The following C8orf34 variants were observed in gnomAD, a reference collection of about 807,000 sequenced individuals.
The protein encoded by C8orf34 is chromosome 8 open reading frame 34, also known as uncharacterized protein C8orf34.
C8orf34 carries 65 observed loss-of-function variants against 68.3 expected under a neutral mutation model. The observed-to-expected ratio is 0.95, with a 90% CI of 0.78 to 1.17. The LOEUF is 1.17. Among genes scored for constraint, C8orf34 ranks in the 50% most tolerant of loss-of-function variants. The probability of loss-of-function intolerance (pLI) is 0.00; values close to 1 mark genes in which losing one functional copy is unlikely to be tolerated. For synonymous variants in C8orf34, 244 were observed against 241.2 expected, an observed-to-expected ratio of 1.01 and a Z score of -0.11; for missense variants, 664 against 655.4, an observed-to-expected ratio of 1.01 and a Z score of -0.14.
chr8:68,381,686 T>C (rs536892961), intron 1 of C8orf34, among the ~76,000 whole-genome samples: 47 of 127,408 alleles, frequency 3.7e-4, no homozygotes, highest in African/African-American at 1.4e-3. Flanking sequence ...GAGCCGAGAT[T>C]GCGCCACTGC....
chr8:68,798,287 G>C (rs1456827048), intron 12 of C8orf34, among the ~76,000 whole-genome samples: 1 of 108,136 alleles, frequency 9.2e-6, no homozygotes, highest in Non-Finnish European at 1.8e-5. Context: ...ATTATGTCTG[G>C]CTTTTTTTTT....
chr8:68,745,886 T>A (rs1408346174), intron 10 of C8orf34, among the ~76,000 whole-genome samples: 1 of 152,170 alleles, frequency 6.6e-6, no homozygotes, highest in Non-Finnish European at 1.5e-5. Flanking sequence ...CAAGTGGACC[T>A]AATAGGCATC....
At chr8:68,805,670 T>C (rs897297178) in intron 12 of C8orf34, among the ~76,000 whole-genome samples, 5 of 152,206 alleles carry the variant, frequency 3.3e-5, no homozygotes, top group African/African-American at 1.2e-4. Flanking sequence ...TTGGTTTGTA[T>C]GGTATATGAT....
chr8:68,419,961 T>G (rs1396566127), intron 1 of C8orf34, among the ~76,000 whole-genome samples: 1 of 133,278 alleles, frequency 7.5e-6, no homozygotes, highest in Non-Finnish European at 1.6e-5. Context: ...ACATGTACCC[T>G]AAAACTTAAA....
chr8:68,405,336 C>T (rs1809148209), intron 1 of C8orf34, among the ~76,000 whole-genome samples: 1 of 152,146 alleles, frequency 6.6e-6, no homozygotes, highest in Non-Finnish European at 1.5e-5. Context: ...GGTTTATTCT[C>T]AGATCACTGG....
chr8:68,798,771 T>C (rs1824250058), intron 12 of C8orf34, among the ~76,000 whole-genome samples: 1 of 152,084 alleles, frequency 6.6e-6, no homozygotes, highest in Non-Finnish European at 1.5e-5. Context: ...TTTTGAAATG[T>C]TCCCCATGTT....
At chr8:68,433,361 T>C (rs1810526966) in intron 1 of C8orf34, among the ~76,000 whole-genome samples, 1 of 152,202 alleles carries the variant, frequency 6.6e-6, no homozygotes, top group Non-Finnish European at 1.5e-5. Flanking sequence ...CATATCTGAT[T>C]GGTACCACCT....
rs1815338147 is a variant in C8orf34, at chr8:68,533,519, T to TTCAGCCC, written c.1105+374_1105+380dup. 8 of 989,346 alleles carry TTCAGCCC rather than the reference T, an allele frequency of 8.1e-6. No individual in the cohort carries two copies. In the South Asian group the frequency reaches 3.3e-4, roughly 41 times the overall value. 61.3% of individuals were successfully genotyped at this position (989,346 alleles called of 1,614,324 possible). A position where few individuals can be genotyped will look rare whatever the true frequency, so the allele number is the denominator to read the frequency against. On this transcript the variant is annotated intron_variant, in intron 7 of 13. Transcript: ENST00000518698. ...TATAAAATATACCCAAAGTACATAT[T>TTCAGCCC]TCAGCCCTCACTCCAAAATGTCTAC...
intron 1 of C8orf34, among the ~76,000 whole-genome samples, chr8:68,378,453 C>T (rs925887159): frequency 3.3e-5 from 5 of 152,216 alleles, no homozygotes; most frequent in South Asian, 4.2e-4. Flanking sequence ...CATGCTACCA[C>T]GTCCAGCTAA....
chr8:68,719,822 A>T (rs78811977), intron 9 of C8orf34, among the ~76,000 whole-genome samples: 1,647 of 152,086 alleles, frequency 0.011, 16 homozygotes, highest in Non-Finnish European at 0.015. Context: ...TTATTTATTT[A>T]TTAAGTCAAT....
intron 7 of C8orf34, chr8:68,534,317 G>A (rs893807627): frequency 3.0e-6 from 3 of 985,222 alleles, no homozygotes; most frequent in Non-Finnish European, 3.6e-6. Context: ...CATTAACATG[G>A]CAGACGTGCC....
rs539993469 is a variant in C8orf34, at chr8:68,352,930, T to C, written c.327+21591T>C. On this transcript the variant is annotated intron_variant, in intron 1 of 13. Coordinates refer to ENST00000518698, the MANE Select transcript of C8orf34 (RefSeq NM_052958.4). ...ATCAGATAAATATCCATATACTCAA[T>C]GCCTATATTGACATGGAATGGTGTC... Among the ~76,000 whole-genome samples the C allele has an allele frequency of 2.0e-5, 3 of 152,216 alleles. No individual in the cohort carries two copies. In the East Asian group the frequency reaches 5.8e-4, roughly 29 times the overall value.
At chr8:68,751,343 T>A (rs536361303) in intron 10 of C8orf34, among the ~76,000 whole-genome samples, 2 of 152,182 alleles carry the variant, frequency 1.3e-5, no homozygotes, top group Non-Finnish European at 2.9e-5. Flanking sequence ...TAGAACCTTG[T>A]CTTAATATTG....
chr8:68,341,217 C>T (rs1227835286), intron 1 of C8orf34, among the ~76,000 whole-genome samples: 1 of 152,116 alleles, frequency 6.6e-6, no homozygotes, highest in Admixed American at 6.6e-5. Flanking sequence ...ATGGAAAGGG[C>T]AAAGGAGCTC....
At chr8:68,753,539 T>C (rs1225857910) in intron 10 of C8orf34, among the ~76,000 whole-genome samples, 1 of 152,146 alleles carries the variant, frequency 6.6e-6, no homozygotes, top group Non-Finnish European at 1.5e-5. Context: ...CAAGGGAGGA[T>C]TGAACTTGAT....
rs374615320 is a variant in C8orf34, at chr8:68,376,163, T to C, written c.327+44824T>C. 1.2e-4 allele frequency among the ~76,000 whole-genome samples: 14 copies of C among 115,644 alleles called. No individual in the cohort carries two copies. The East Asian group carries it at 3.2e-3, about 27-fold the overall frequency. 75.9% of individuals were successfully genotyped at this position (115,644 alleles called of 152,430 possible). A position where few individuals can be genotyped will look rare whatever the true frequency, so the allele number is the denominator to read the frequency against. The stretch of plus-strand genomic sequence containing the variant: ...ATGAGTGAAGGAAGGAATAATCATA[T>C]GGCCTGTCAGAAAAGGCAGACATAA... On this transcript the variant is annotated intron_variant, in intron 1 of 13. Coordinates refer to ENST00000518698, the MANE Select transcript of C8orf34 (RefSeq NM_052958.4).
chr8:68,760,584 G>A (rs1054386305), intron 10 of C8orf34, among the ~76,000 whole-genome samples: 13 of 152,162 alleles, frequency 8.5e-5, no homozygotes, highest in African/African-American at 3.1e-4. Flanking sequence ...TAATTTATCT[G>A]AGCATGAGAC....
At chr8:68,507,797 T>C (rs1433345971) in intron 5 of C8orf34, among the ~76,000 whole-genome samples, 3 of 152,202 alleles carry the variant, frequency 2.0e-5, no homozygotes, top group Non-Finnish European at 4.4e-5. Flanking sequence ...TCCCAAATAA[T>C]TTATGGATTT....
intron 3 of C8orf34, among the ~76,000 whole-genome samples, chr8:68,461,779 C>A (rs1458684997): frequency 6.6e-6 from 1 of 152,150 alleles, no homozygotes; most frequent in African/African-American, 2.4e-5. Flanking sequence ...CCTACAAGAG[C>A]TCCTGAAGGA....
Sources: gnomAD v4.1 joint callset for allele counts (sites outside exome capture counted in the v4.1 genomes callset) on GRCh38, gnomAD v4.1.1 for gene constraint, MANE v1.5 for transcripts, NCBI Gene and HGNC (gene_info 2026-07-23, HGNC 2026-07-21) for gene names.